The following ADGRG7 variants were observed in gnomAD, a reference collection of about 807,000 sequenced individuals.
ADGRG7 encodes adhesion G protein-coupled receptor G7.
Under a neutral mutation model 88.6 loss-of-function variants are expected in ADGRG7, and 82 were observed. That is an observed-to-expected ratio of 0.93 (90% confidence interval 0.77 to 1.11). ADGRG7 has a LOEUF of 1.11. Among genes scored for constraint, ADGRG7 ranks in the 50% most tolerant of loss-of-function variants. The pLI is 0.00. For missense variants in ADGRG7, 945 were observed against 953.4 expected, an observed-to-expected ratio of 0.99 and a Z score of 0.12; for synonymous variants, 381 against 345.2, an observed-to-expected ratio of 1.10 and a Z score of -1.15.
rs2094954870 is a variant in ADGRG7 at position 100,668,958 on chromosome 3, A to T, written c.1989A>T (p.Lys663Asn). 2 of 1,585,574 alleles carry T rather than the reference A, an allele frequency of 1.3e-6. No individual in the cohort carries two copies. Among genetic ancestry groups the T allele is most frequent in the Non-Finnish European group, 1.7e-6 (2 of 1,169,496 alleles). Residue 663 changes from lysine to asparagine, a missense_variant, in exon 15 of 16, where the codon AAA becomes AAT. Coordinates refer to ENST00000273352, the MANE Select transcript of ADGRG7 (RefSeq NM_032787.3). ...KNNQNLTSTK[K>N]VSSMKKIVST... ...GTTTTCTTTCACCTAGCACAAAAAAAGTTTCATCCATGAAGAAGATTGTTA... is the reference window on the plus strand; with the variant it reads ...GTTTTCTTTCACCTAGCACAAAAAATGTTTCATCCATGAAGAAGATTGTTA...
At chr3:100,647,740 G>GT (rs1707779504) in intron 10 of ADGRG7, among the ~76,000 whole-genome samples, 1 of 152,132 alleles carries the variant, frequency 6.6e-6, no homozygotes, top group South Asian at 2.1e-4. Flanking sequence ...TTGATGGAAT[G>GT]TTTTTTATAC....
intron 4 of ADGRG7, among the ~76,000 whole-genome samples, chr3:100,634,331 T>C (rs998938657): frequency 1.3e-5 from 2 of 152,222 alleles, no homozygotes; most frequent in Non-Finnish European, 2.9e-5. Flanking sequence ...TCCCATATTA[T>C]AAATAATTAT....
At position 100,682,186 on chromosome 3, in the gene ADGRG7, C is replaced by G. The variant is rs1216771200; in HGVS notation, c.2137-12558C>G. Among the ~76,000 whole-genome samples the G allele has an allele frequency of 2.0e-5, 3 of 152,116 alleles. No individual in the cohort carries two copies. In the East Asian group the frequency reaches 5.8e-4, roughly 29 times the overall value. On this transcript the variant is annotated intron_variant, in intron 15 of 15. Coordinates refer to ENST00000273352, the MANE Select transcript of ADGRG7 (RefSeq NM_032787.3). ...AGTCCACCGCCCTGGGAACCCACCC[C>G]CGGGAGCTGCCCTGATGGGGCCGGA...
intron 6 of ADGRG7, among the ~76,000 whole-genome samples, chr3:100,641,477 G>A (rs1341603674): frequency 2.6e-5 from 4 of 152,120 alleles, no homozygotes; most frequent in Non-Finnish European, 5.9e-5. Flanking sequence ...CAAAAAAGGA[G>A]GCAATTAATC....
intron 15 of ADGRG7, among the ~76,000 whole-genome samples, chr3:100,686,624 A>G (rs1454388383): frequency 6.6e-6 from 1 of 152,208 alleles, no homozygotes; most frequent in Non-Finnish European, 1.5e-5. Flanking sequence ...ACTATTTATT[A>G]AATAGGGAAT....
intron 15 of ADGRG7, among the ~76,000 whole-genome samples, chr3:100,691,187 T>C (rs1239207308): frequency 6.6e-6 from 1 of 152,218 alleles, no homozygotes; most frequent in Non-Finnish European, 1.5e-5. Context: ...AATCTCCTGG[T>C]GTGCCGTTTG....
intron 14 of ADGRG7, among the ~76,000 whole-genome samples, chr3:100,661,384 T>A (rs536929286): frequency 6.6e-6 from 1 of 152,244 alleles, no homozygotes; most frequent in Non-Finnish European, 1.5e-5. Flanking sequence ...AAAGCCACCA[T>A]CTTTAGTGGG....
chr3:100,668,579 G>T (rs1238413073), intron 14 of ADGRG7, among the ~76,000 whole-genome samples: 1 of 152,100 alleles, frequency 6.6e-6, no homozygotes, highest in African/African-American at 2.4e-5. Flanking sequence ...ATCAACTTAA[G>T]GCTCAGGAAG....
At chr3:100,653,023 T>C (rs543174836) in intron 11 of ADGRG7, among the ~76,000 whole-genome samples, 7 of 152,344 alleles carry the variant, frequency 4.6e-5, no homozygotes, top group African/African-American at 1.7e-4. Flanking sequence ...TCAGGACATC[T>C]TGACCATCTG....
At chr3:100,675,094 C>T (rs1353571322) in intron 15 of ADGRG7, among the ~76,000 whole-genome samples, 1 of 151,864 alleles carries the variant, frequency 6.6e-6, no homozygotes, top group Non-Finnish European at 1.5e-5. Context: ...ATTGCTTTCT[C>T]TTATCTAATT....
At position 100,645,944 on chromosome 3, in the gene ADGRG7, G is replaced by T; in HGVS notation, c.947-1G>T. 1 of 1,612,326 alleles carries T rather than the reference G, an allele frequency of 6.2e-7. No individual in the cohort carries two copies. Among genetic ancestry groups the T allele is most frequent in the South Asian group, 1.1e-5 (1 of 90,900 alleles). On this transcript the variant is annotated splice_acceptor_variant, in intron 8 of 15. Coordinates refer to ENST00000273352, the MANE Select transcript of ADGRG7 (RefSeq NM_032787.3). LOFTEE classifies it high-confidence loss of function. ...ATTTTAATGTCTTTTTCTCCCTATA[G>T]ATTACACCAAGACATGCGGCTTTGT...
At chr3:100,686,524 A>C (rs1189882675) in intron 15 of ADGRG7, among the ~76,000 whole-genome samples, 4 of 152,138 alleles carry the variant, frequency 2.6e-5, no homozygotes, top group Non-Finnish European at 4.4e-5. Flanking sequence ...ACATTTAAGT[A>C]TTTAATCCAT....
chr3:100,675,126 G>A (rs510303), intron 15 of ADGRG7, among the ~76,000 whole-genome samples: 133,404 of 152,202 alleles, frequency 0.88, 60,529 homozygotes, highest in Non-Finnish European at 1. Flanking sequence ...GACTTCCAGT[G>A]CTATGTTGAA....
intron 15 of ADGRG7, among the ~76,000 whole-genome samples, chr3:100,676,082 T>C (rs2094964969): frequency 6.6e-6 from 1 of 152,118 alleles, no homozygotes; most frequent in South Asian, 2.1e-4. Flanking sequence ...TTTTGTTTTC[T>C]TCATTTCAAT....
At chr3:100,654,342 T>C (rs530958819) in intron 11 of ADGRG7, 2 of 152,642 alleles carry the variant, frequency 1.3e-5, no homozygotes, top group East Asian at 1.9e-4. Flanking sequence ...TAATATCCTT[T>C]GAGCTAAGAG....
chr3:100,632,126 C>T (rs1007576650), intron 3 of ADGRG7, among the ~76,000 whole-genome samples: 2 of 152,080 alleles, frequency 1.3e-5, no homozygotes, highest in South Asian at 2.1e-4. Flanking sequence ...ATACAACTTA[C>T]AAAACATAAC....
intron 15 of ADGRG7, among the ~76,000 whole-genome samples, chr3:100,677,456 C>T (rs1401466981): frequency 6.6e-6 from 1 of 152,018 alleles, no homozygotes; most frequent in African/African-American, 2.4e-5. Flanking sequence ...CATCTTTCTG[C>T]TCAAGATGTA....
At chr3:100,629,373 T>C (rs1030590879) in intron 1 of ADGRG7, among the ~76,000 whole-genome samples, 1 of 152,120 alleles carries the variant, frequency 6.6e-6, no homozygotes, top group Non-Finnish European at 1.5e-5. Context: ...CAAAGTATTA[T>C]GTCTTTCAAC....
intron 15 of ADGRG7, among the ~76,000 whole-genome samples, chr3:100,694,362 A>G (rs995513577): frequency 1.3e-5 from 2 of 152,188 alleles, no homozygotes; most frequent in African/African-American, 4.8e-5. Context: ...TGTTACTATA[A>G]CTCCAAGAAA....
Sources: gnomAD v4.1 joint callset for allele counts (sites outside exome capture counted in the v4.1 genomes callset) on GRCh38, gnomAD v4.1.1 for gene constraint, MANE v1.5 for transcripts, NCBI Gene and HGNC (gene_info 2026-07-23, HGNC 2026-07-21) for gene names.